Variants in CABP7 observed in about 807,000 individuals in gnomAD.
The protein encoded by CABP7 is calcium binding protein 7, also known as calcium-binding protein 7.
In CABP7, 13 loss-of-function variants were observed where a neutral mutation model predicts 23.1. The observed-to-expected ratio is 0.56, with a 90% CI of 0.37 to 0.90. The LOEUF (loss-of-function observed/expected upper bound fraction) is 0.90, where lower values mean the gene tolerates loss of function less well. Ranked by LOEUF, CABP7 falls within the 40% of genes least tolerant of loss-of-function variation. The pLI is 0.01. For missense variants in CABP7, 248 were observed against 295.6 expected (o/e 0.84, Z 1.18); for synonymous variants, 123 against 115.3 (o/e 1.07, Z -0.43).
At position 29,729,751 on chromosome 22, in the gene CABP7, T is replaced by A; in HGVS notation, c.*182T>A. The A allele has an allele frequency of 1.3e-6, 1 of 762,682 alleles. No homozygotes were observed. The highest frequency in any genetic ancestry group is 2.1e-6 in the Non-Finnish European group (1 of 486,690). The allele number at this position is 762,682 out of a possible 1,614,324, so 47.2% of individuals were successfully genotyped here. On this transcript the variant is annotated 3_prime_UTR_variant, in exon 5 of 5. Coordinates refer to ENST00000216144, the MANE Select transcript of CABP7 (RefSeq NM_182527.3). ...TCCTCACCTGGAGCTGTGGCCTGGC[T>A]GTGGAGGGCCGGGTGGTGGCTCTGA...
chr22:29,729,410 G>T, intron 4 of CABP7, 32 bp from the exon 5 acceptor site: 1 of 1,605,518 alleles, frequency 6.2e-7, no homozygotes. Flanking sequence ...GTCCCCTTCT[G>T]TCTCCCCGGT....
chr22:29,728,826 T>C (rs1162563999), intron 3 of CABP7, 84 bp downstream of exon 3: 1 of 1,131,534 alleles, frequency 8.8e-7, no homozygotes, highest in East Asian at 2.4e-5. Flanking sequence ...GCCCACACTG[T>C]AAAGGGGGGA....
chr22:29,729,509 C>A lies in CABP7; in HGVS notation c.588C>A (p.Ala196=), dbSNP rs770306080. 1.2e-6 allele frequency: 2 copies of A among 1,612,748 alleles called. No individual in the cohort carries two copies. The highest frequency in any genetic ancestry group is 8.5e-7 in the Non-Finnish European group (1 of 1,179,992). Residue 196 remains alanine (A), a synonymous_variant, in exon 5 of 5, where the codon GCC becomes GCA. Transcript: ENST00000216144. ...GTCTCATCTGCGCCTTCGCCATCGC[C>A]TTCATCATCAGTGTCATGCTCATTG... is the stretch of plus-strand genomic sequence containing the variant. The part of the protein sequence containing the change: ...RKSLICAFAI[A]FIISVMLIAA...
chr22:29,720,718 G>A lies in CABP7; in HGVS notation c.109+185G>A, dbSNP rs1004568184. Among the ~76,000 whole-genome samples the A allele has an allele frequency of 1.6e-4, 24 of 151,534 alleles. No individual in the cohort carries two copies. Among genetic ancestry groups the A allele is most frequent in the East Asian group, 1.9e-4 (1 of 5,150 alleles). ...GTCCGCACCCCGGGGCGCCGCGGTG[G>A]GGGTCGCTCAGGCGGAGAGCGGCCC... On this transcript the variant is annotated intron_variant, in intron 1 of 4. Coordinates refer to ENST00000216144, the MANE Select transcript of CABP7 (RefSeq NM_182527.3). The surrounding 1 kb of genome is among the most constrained non-coding windows in gnomAD (Gnocchi z 5.2).
intron 1 of CABP7, among the ~76,000 whole-genome samples, chr22:29,722,533 G>C (rs1411302699): frequency 1.3e-5 from 2 of 152,262 alleles, no homozygotes; most frequent in Non-Finnish European, 2.9e-5. Context: ...GGTGGTCCCA[G>C]CTCATCTCTG....
intron 1 of CABP7, among the ~76,000 whole-genome samples, chr22:29,726,019 C>T (rs2067793290): frequency 6.6e-6 from 1 of 152,206 alleles, no homozygotes; most frequent in South Asian, 2.1e-4. Flanking sequence ...CCCAGGAAAG[C>T]TCCAGGTGGG....
In CABP7 at chr22:29,720,395, C is replaced by A. The variant is rs1454083434; in HGVS notation, c.-30C>A. ...CCATGAGCCCCGGCCTCAAAGTTTG[C>A]GGCGGGCGGGCGGGCGCGGAGCCTC... On this transcript the variant is annotated 5_prime_UTR_variant, in exon 1 of 5. The change creates a premature stop within an existing upstream ORF in the 5' untranslated region. Coordinates refer to ENST00000216144, the MANE Select transcript of CABP7 (RefSeq NM_182527.3). The surrounding 1 kb of genome is among the most constrained non-coding windows in gnomAD (Gnocchi z 5.2). 2.1e-6 allele frequency: 3 copies of A among 1,417,538 alleles called. No individual in the cohort carries two copies. The highest frequency in any genetic ancestry group is 2.8e-6 in the Non-Finnish European group (3 of 1,067,292). The allele number at this position is 1,417,538 out of a possible 1,614,324, so 87.8% of individuals were successfully genotyped here.
rs1556016160 is a variant in CABP7, at chr22:29,727,812, A to C, written c.253+7A>C. On this transcript the variant is annotated splice_region_variant and intron_variant, in intron 2 of 4. Coordinates refer to ENST00000216144, the MANE Select transcript of CABP7 (RefSeq NM_182527.3). The surrounding 1 kb of genome is among the most constrained non-coding windows in gnomAD (Gnocchi z 4.2). The stretch of plus-strand genomic sequence containing the variant: ...CAGCGGCTGGACATGGATGGTGAGC[A>C]CCCCCCCGCCTCGGTTTCCCCACCT... 23 of 1,598,050 alleles carry C rather than the reference A, an allele frequency of 1.4e-5. No homozygotes were observed. The highest frequency in any genetic ancestry group is 1.4e-5 in the Non-Finnish European group (16 of 1,170,954).
rs1569328810 is a variant in CABP7 at position 29,720,395 on chromosome 22, C to CGGCGGGCG, written c.-21_-14dup. On this transcript the variant is annotated 5_prime_UTR_variant, in exon 1 of 5. Coordinates refer to ENST00000216144, the MANE Select transcript of CABP7 (RefSeq NM_182527.3). This position sits in a 1 kb window ranked among gnomAD's most constrained non-coding sequence, Gnocchi z 5.2. Reference sequence around the variant, plus strand: ...CCATGAGCCCCGGCCTCAAAGTTTGCGGCGGGCGGGCGGGCGCGGAGCCTC... The same window carrying CGGCGGGCG: ...CCATGAGCCCCGGCCTCAAAGTTTGCGGCGGGCGGGCGGGCGGGCGGGCGCGGAGCCTC... 1.4e-6 allele frequency: 2 copies of CGGCGGGCG among 1,417,538 alleles called. No individual in the cohort carries two copies. Among genetic ancestry groups the CGGCGGGCG allele is most frequent in the Non-Finnish European group, 9.4e-7 (1 of 1,067,292 alleles). The allele number at this position is 1,417,538 out of a possible 1,614,324, so 87.8% of individuals were successfully genotyped here. A position where few individuals can be genotyped will look rare whatever the true frequency, so the allele number is the denominator to read the frequency against.
rs373900042 is a variant in CABP7 at position 29,729,481 on chromosome 22, A to G, written c.560A>G (p.Lys187Arg). 1.2e-6 allele frequency: 2 copies of G among 1,612,066 alleles called. No homozygotes were observed. Among genetic ancestry groups the G allele is most frequent in the African/African-American group, 1.3e-5 (1 of 74,950 alleles). Residue 187 changes from lysine to arginine, a missense_variant, in exon 5 of 5, where the codon AAG becomes AGG. Lys to Arg is a conservative substitution (Grantham distance 26). Coordinates refer to ENST00000216144, the MANE Select transcript of CABP7 (RefSeq NM_182527.3). ...NQQIRQTCVR[K>R]SLICAFAIAF... is the part of the protein sequence containing the mutation. Reference sequence around the variant, plus strand: ...CAGATCCGCCAGACTTGCGTGCGCAAGAGTCTCATCTGCGCCTTCGCCATC... The same window carrying G: ...CAGATCCGCCAGACTTGCGTGCGCAGGAGTCTCATCTGCGCCTTCGCCATC...
Position 29,720,559 on chromosome 22 carries a change from C to A in CABP7, c.109+26C>A. 1 of 1,478,154 alleles carries A rather than the reference C, an allele frequency of 6.8e-7. No individual in the cohort carries two copies. 91.6% of individuals were successfully genotyped at this position (1,478,154 alleles called of 1,614,324 possible). A position where few individuals can be genotyped will look rare whatever the true frequency, so the allele number is the denominator to read the frequency against. The stretch of plus-strand genomic sequence containing the variant: ...GTGAGTGTCCGCCGGGATCCCCGCC[C>A]CGGCGGCCCTCCTACCTGTGCGCCC... On this transcript the variant is annotated intron_variant, in intron 1 of 4. Coordinates refer to ENST00000216144, the MANE Select transcript of CABP7 (RefSeq NM_182527.3). This position sits in a 1 kb window ranked among gnomAD's most constrained non-coding sequence, Gnocchi z 5.2.
At chr22:29,721,426 A>G (rs1030611531) in intron 1 of CABP7, among the ~76,000 whole-genome samples, 2 of 151,982 alleles carry the variant, frequency 1.3e-5, no homozygotes, top group African/African-American at 2.4e-5. Context: ...TGGAGCCCCC[A>G]TATGGAGTGG....
Position 29,729,429 on chromosome 22 carries a change from C to A in CABP7, c.521-13C>A. 1 of 1,607,614 alleles carries A rather than the reference C, an allele frequency of 6.2e-7. No individual in the cohort carries two copies. On this transcript the variant is annotated splice_polypyrimidine_tract_variant and intron_variant, in intron 4 of 4. Coordinates refer to ENST00000216144, the MANE Select transcript of CABP7 (RefSeq NM_182527.3). ...CCTTCTGTCTCCCCGGTGCTCCCGG[C>A]GGGCGGCCACAGCCTGCTCCAACCA...
chr22:29,723,529 C>T (rs762843749), intron 1 of CABP7, among the ~76,000 whole-genome samples: 21 of 152,334 alleles, frequency 1.4e-4, no homozygotes, highest in Admixed American at 3.9e-4. Flanking sequence ...AGTCTTAGCC[C>T]TTTCTGGCCG....
At chr22:29,728,541 T>G in intron 2 of CABP7, 89 bp from the exon 3 acceptor site, 1 of 787,610 alleles carries the variant, frequency 1.3e-6, no homozygotes, top group Non-Finnish European at 2.2e-6. Flanking sequence ...AGGCCCAAGG[T>G]GTATCAAGAC....
rs1406653684 is a variant in CABP7 at position 29,720,175 on chromosome 22, G to C, written c.-250G>C. 6.8e-6 allele frequency: 1 copy of C among 146,810 alleles called. No individual in the cohort carries two copies. The highest frequency in any genetic ancestry group is 1.5e-5 in the Non-Finnish European group (1 of 65,954). The allele number at this position is 146,810 out of a possible 1,614,324, so 9.1% of individuals were successfully genotyped here. A position where few individuals can be genotyped will look rare whatever the true frequency, so the allele number is the denominator to read the frequency against. On this transcript the variant is annotated 5_prime_UTR_variant, in exon 1 of 5. Coordinates refer to ENST00000216144, the MANE Select transcript of CABP7 (RefSeq NM_182527.3). The surrounding 1 kb of genome is among the most constrained non-coding windows in gnomAD (Gnocchi z 5.2). The stretch of plus-strand genomic sequence containing the variant: ...GCAGCCGGAGCTCTCGGAAAGGCCA[G>C]AGCGGCGCCGCCCCCGCTGCCCCTG...
rs2067755807 is a variant in CABP7 at position 29,720,805 on chromosome 22, G to T, written c.109+272G>T. ...TTGCCGGGCCCCGCAGCGGGGTCAC[G>T]GGGCCGCGCAGTCGGCGGTGACGGT... On this transcript the variant is annotated intron_variant, in intron 1 of 4. Transcript: ENST00000216144. This position sits in a 1 kb window ranked among gnomAD's most constrained non-coding sequence, Gnocchi z 5.2. Among the ~76,000 whole-genome samples the T allele has an allele frequency of 6.6e-6, 1 of 151,258 alleles. No homozygotes were observed. The highest frequency in any genetic ancestry group is 2.4e-5 in the African/African-American group (1 of 41,328).
intron 1 of CABP7, among the ~76,000 whole-genome samples, chr22:29,726,062 G>T (rs924540192): frequency 1.3e-5 from 2 of 152,172 alleles, no homozygotes; most frequent in African/African-American, 4.8e-5. Flanking sequence ...TCCAGGGTTT[G>T]CAGAATCCTG....
chr22:29,726,842 G>A (rs983764506), intron 1 of CABP7, among the ~76,000 whole-genome samples: 1 of 152,212 alleles, frequency 6.6e-6, no homozygotes, highest in African/African-American at 2.4e-5. Context: ...AGAGACAGCA[G>A]TACAGCTAAG....
Sources: gnomAD v4.1 joint callset for allele counts (sites outside exome capture counted in the v4.1 genomes callset) on GRCh38, gnomAD v4.1.1 for gene constraint, Gnocchi (gnomAD v3.1) non-coding constraint, MANE v1.5 for transcripts, NCBI Gene and HGNC (gene_info 2026-07-23, HGNC 2026-07-21) for gene names.